Variants in SRP72 observed in about 807,000 individuals in gnomAD.
SRP72 encodes the protein signal recognition particle 72, also known as signal recognition particle subunit SRP72.
A neutral mutation model predicts 96.3 loss-of-function variants in SRP72; 49 were observed. The observed-to-expected ratio is 0.51, with a 90% confidence interval of 0.40 to 0.65. SRP72 has a LOEUF of 0.65. SRP72 is among the 30% of genes least tolerant of loss of function. The probability of loss-of-function intolerance (pLI) is 0.00; values close to 1 mark genes in which losing one functional copy is unlikely to be tolerated. For synonymous variants in SRP72, 267 were observed against 275.2 expected, an observed-to-expected ratio of 0.97 and a Z score of 0.30; for missense variants, 736 against 793.3, an observed-to-expected ratio of 0.93 and a Z score of 0.87.
At chr4:56,494,250 C>T (rs933256940) in intron 16 of SRP72, among the ~76,000 whole-genome samples, 4 of 152,150 alleles carry the variant, frequency 2.6e-5, no homozygotes, top group East Asian at 3.9e-4. Context: ...CCTGAGAGAA[C>T]GTTCACAATT....
At chr4:56,478,670 C>T (rs369373254) in intron 8 of SRP72, 21 bp downstream of exon 8, 5 of 1,605,840 alleles carry the variant, frequency 3.1e-6, no homozygotes, top group Non-Finnish European at 4.3e-6. Flanking sequence ...TTTGTGCTTT[C>T]CATAGATATA....
intron 17 of SRP72, among the ~76,000 whole-genome samples, chr4:56,498,707 T>C (rs1453165444): frequency 1.3e-5 from 2 of 152,050 alleles, no homozygotes; most frequent in African/African-American, 4.8e-5. Context: ...GGCATACAAC[T>C]AACAAGGGAT....
intron 18 of SRP72, among the ~76,000 whole-genome samples, chr4:56,501,049 T>C (rs1228549738): frequency 2.0e-5 from 3 of 152,078 alleles, no homozygotes; most frequent in Non-Finnish European, 2.9e-5. Flanking sequence ...AAATAAATAA[T>C]ATGACTAGAA....
rs1719804152 is a variant in SRP72 at position 56,467,882 on chromosome 4, C to T, written c.109+138C>T. 5.6e-6 allele frequency: 5 copies of T among 890,922 alleles called. No homozygotes were observed. The East Asian group carries it at 1.3e-4, about 24-fold the overall frequency. The allele number at this position is 890,922 out of a possible 1,614,324, so 55.2% of individuals were successfully genotyped here. On this transcript the variant is annotated intron_variant, in intron 1 of 18. Coordinates refer to ENST00000642900, the MANE Select transcript of SRP72 (RefSeq NM_006947.4). ...ACCCCCCCGTCTATTGTCCGCCCGG[C>T]TCGGGCCCTAGCGCCCGGAAGACGC...
chr4:56,484,823 T>C lies in SRP72; in HGVS notation c.1045T>C (p.Cys349Arg), dbSNP rs1440765071. The C allele has an allele frequency of 6.2e-7, 1 of 1,613,972 alleles. No individual in the cohort carries two copies. The highest frequency in any genetic ancestry group is 1.1e-5 in the South Asian group (1 of 91,006). ...LPVLIQAAQL[C>R]REKQHTKAIE... is the part of the protein sequence containing the mutation. ...TGTGTTAATCCAAGCTGCCCAGCTC[T>C]GCCGTGAAAAGCAGCACACAAAAGC... The change falls in exon 10 of 19, where the codon TGC (cysteine) becomes CGC (arginine). Residue 349 changes from cysteine to arginine, a missense_variant. By Grantham distance (180) the Cys-to-Arg change is radical (BLOSUM62 -3). Around this residue, in one of 3 missense-constraint regions of SRP72, gnomAD observed 388 missense variants for 431.8 expected, o/e 0.90. Coordinates refer to ENST00000642900, the MANE Select transcript of SRP72 (RefSeq NM_006947.4).
intron 17 of SRP72, among the ~76,000 whole-genome samples, chr4:56,499,052 C>T (rs542299527): frequency 1.7e-4 from 26 of 152,224 alleles, no homozygotes; most frequent in African/African-American, 4.8e-4. Flanking sequence ...CAGAATGGTA[C>T]GGGTACCAAA....
At chr4:56,467,795 G>C (rs1719794085) in intron 1 of SRP72, 51 bp downstream of exon 1, 4 of 1,413,088 alleles carry the variant, frequency 2.8e-6, no homozygotes, top group Non-Finnish European at 3.7e-6. Context: ...TGGAGGATGC[G>C]GCCTGTTTCC....
rs578148062 is a variant in SRP72, at chr4:56,498,710, C to T, written c.1679-1826C>T. 3.9e-5 allele frequency among the ~76,000 whole-genome samples: 6 copies of T among 152,276 alleles called. No individual in the cohort carries two copies. The South Asian group carries it at 1.0e-3, about 26-fold the overall frequency. Reference sequence around the variant, plus strand: ...ATAAAATACCTAGGCATACAACTAACAAGGGATGTGAAGGACCTCTTCAAG... The same window carrying T: ...ATAAAATACCTAGGCATACAACTAATAAGGGATGTGAAGGACCTCTTCAAG... On this transcript the variant is annotated intron_variant, in intron 17 of 18. Coordinates refer to ENST00000642900, the MANE Select transcript of SRP72 (RefSeq NM_006947.4).
chr4:56,485,572 A>G (rs1005285813), intron 10 of SRP72, among the ~76,000 whole-genome samples: 1 of 152,076 alleles, frequency 6.6e-6, no homozygotes, highest in Admixed American at 6.6e-5. Flanking sequence ...AGGCCCAATC[A>G]GGCAGATCAT....
At chr4:56,494,803 A>G (rs1721022976) in intron 16 of SRP72, among the ~76,000 whole-genome samples, 4 of 152,134 alleles carry the variant, frequency 2.6e-5, no homozygotes, top group Admixed American at 2.0e-4. Context: ...TACTTACATA[A>G]AAAAATTAAT....
Position 56,491,513 on chromosome 4 carries a change from T to TA in SRP72, c.1586dup (p.Tyr529Ter). ...EALENSAGAT[Y>*]IRKKGGKVTG... Reference sequence around the variant, plus strand: ...TCTTGAAAATTCTGCTGGTGCTACATACATTCGGAAGAAGGGTGGAAAAGT... The same window carrying TA: ...TCTTGAAAATTCTGCTGGTGCTACATAACATTCGGAAGAAGGGTGGAAAAGT... Residue 529 changes from tyrosine (Y) to a stop codon, truncating the protein, a stop_gained and frameshift_variant, in exon 16 of 19, where the codon TAC (tyrosine) becomes TAAC (stop). Coordinates refer to ENST00000642900, the MANE Select transcript of SRP72 (RefSeq NM_006947.4). LOFTEE classifies it high-confidence loss of function. The TA allele has an allele frequency of 1.9e-6, 3 of 1,614,000 alleles. No homozygotes were observed. Among genetic ancestry groups the TA allele is most frequent in the Non-Finnish European group, 2.5e-6 (3 of 1,179,932 alleles).
At chr4:56,476,410 C>A in intron 5 of SRP72, 1 of 460,534 alleles carries the variant, frequency 2.2e-6, no homozygotes, top group African/African-American at 2.0e-5. Context: ...ATATTTACTA[C>A]ATTTGTATTT....
At chr4:56,498,492 C>CA (rs1721155955) in intron 17 of SRP72, among the ~76,000 whole-genome samples, 1 of 152,186 alleles carries the variant, frequency 6.6e-6, no homozygotes, top group Non-Finnish European at 1.5e-5. Context: ...TCTCTGTTTG[C>CA]AGATGACATG....
intron 9 of SRP72, 114 bp from the exon 10 acceptor site, chr4:56,484,622 C>A: frequency 7.2e-7 from 1 of 1,382,284 alleles, no homozygotes; most frequent in Non-Finnish European, 1.0e-6. Context: ...CTAGGCAGTT[C>A]TTTGGTTAAT....
chr4:56,485,147 T>C (rs1226974467), intron 10 of SRP72, among the ~76,000 whole-genome samples: 1 of 152,224 alleles, frequency 6.6e-6, no homozygotes, highest in African/African-American at 2.4e-5. Context: ...CATTTAGGCA[T>C]GTATAATTCC....
intron 8 of SRP72, 51 bp from the exon 9 acceptor site, chr4:56,483,088 T>C: frequency 6.4e-7 from 1 of 1,550,648 alleles, no homozygotes; most frequent in Non-Finnish European, 8.8e-7. Context: ...GAAAAAGGAA[T>C]AAGTTGAAAT....
chr4:56,478,905 T>C (rs534739574), intron 8 of SRP72, among the ~76,000 whole-genome samples: 1 of 152,336 alleles, frequency 6.6e-6, no homozygotes, highest in Admixed American at 6.5e-5. Flanking sequence ...TCTAATAGTA[T>C]AGAGACTCTC....
Position 56,501,805 on chromosome 4 carries a change from G to A in SRP72, c.1960G>A (p.Ala654Thr), listed in dbSNP as rs1341203232. ...PRHQKPAGAP[A>T]TKKKQQQKKK... ...ACACCAGAAACCTGCAGGGGCTCCA[G>A]CAACAAAAAAGAAACAGCAACAGAA... Residue 654 changes from alanine (A) to threonine (T), a missense_variant, in exon 19 of 19, where the codon GCA becomes ACA. By Grantham distance (58) the Ala-to-Thr change is moderately conservative. Coordinates refer to ENST00000642900, the MANE Select transcript of SRP72 (RefSeq NM_006947.4). The A allele has an allele frequency of 3.7e-6, 6 of 1,613,850 alleles. No individual in the cohort carries two copies. In the East Asian group the frequency reaches 1.3e-4, roughly 36 times the overall value.
intron 16 of SRP72, among the ~76,000 whole-genome samples, chr4:56,492,782 T>G (rs1720951540): frequency 6.6e-6 from 1 of 152,144 alleles, no homozygotes; most frequent in Non-Finnish European, 1.5e-5. Context: ...TAAAGTATGT[T>G]TACTATTTTT....
Sources: gnomAD v4.1 joint callset for allele counts (sites outside exome capture counted in the v4.1 genomes callset) on GRCh38, gnomAD v4.1.1 for gene constraint, gnomAD v4.1.1 regional missense constraint, MANE v1.5 for transcripts, NCBI Gene and HGNC (gene_info 2026-07-23, HGNC 2026-07-21) for gene names.